Variants in PRRC2B observed in about 807,000 individuals in gnomAD.
The protein encoded by PRRC2B is protein PRRC2B.
PRRC2B carries 68 observed loss-of-function variants against 242.3 expected under a neutral mutation model. The ratio of observed to expected loss-of-function variants is 0.28; its 90% CI spans 0.23 to 0.34. The LOEUF (loss-of-function observed/expected upper bound fraction) is 0.34, where lower values mean the gene tolerates loss of function less well. Among genes scored for constraint, PRRC2B ranks in the 10% least tolerant of loss-of-function variants. The probability of loss-of-function intolerance (pLI) is 1.00; values close to 1 mark genes in which losing one functional copy is unlikely to be tolerated. For synonymous variants in PRRC2B, 1,228 were observed against 1,173.6 expected (o/e 1.05, Z -0.95); for missense variants, 2,835 against 2,954.8 (o/e 0.96, Z 0.94).
Position 131,477,746 on chromosome 9 carries a change from C to T in PRRC2B, c.4409C>T (p.Ser1470Phe), listed in dbSNP as rs1319585888. ...QNGTPLKVKR[S>F]PDEALPGGLS... is the part of the protein sequence containing the mutation. ...ACAAGATCCTCTTTCCCTTACAGAT[C>T]CCCAGACGAGGCCTTGCCTGGAGGT... The change falls in exon 17 of 32, where the codon TCC becomes TTC. Residue 1470 changes from serine (S) to phenylalanine (F), a missense_variant and splice_region_variant. Transcript: ENST00000683519. The T allele has an allele frequency of 8.8e-6, 14 of 1,592,112 alleles. No individual in the cohort carries two copies. The highest frequency in any genetic ancestry group is 1.2e-5 in the Non-Finnish European group (14 of 1,166,066).
At chr9:131,425,892 C>G (rs1231251524) in intron 1 of PRRC2B, among the ~76,000 whole-genome samples, 1 of 151,524 alleles carries the variant, frequency 6.6e-6, no homozygotes, top group East Asian at 2.0e-4. Flanking sequence ...GCCTGTAATC[C>G]CAGCTACTTG....
rs1943659005 is a variant in PRRC2B at position 131,475,343 on chromosome 9, A to G, written c.3214A>G (p.Arg1072Gly). The G allele has an allele frequency of 1.3e-6, 2 of 1,590,174 alleles. No individual in the cohort carries two copies. The highest frequency in any genetic ancestry group is 1.7e-6 in the Non-Finnish European group (2 of 1,169,138). Residue 1072 changes from arginine to glycine, a missense_variant, in exon 16 of 32, where the codon AGA becomes GGA. By Grantham distance (125) the Arg-to-Gly change is moderately radical. This residue lies in a region of PRRC2B where 1,536 missense variants were observed against 1,483.1 expected (regional missense o/e 1.04). Transcript: ENST00000683519. ...GQARGRGRGFREFTFRGRPAG... is the reference protein window; with the variant it reads ...GQARGRGRGFGEFTFRGRPAG... The stretch of plus-strand genomic sequence containing the variant: ...GGCCCGGGGCCGGGGCCGTGGTTTC[A>G]GAGAGTTCACTTTTCGTGGTCGGCC...
At chr9:131,380,881 G>C (rs1836749818) in intron 1 of PRRC2B, among the ~76,000 whole-genome samples, 2 of 22,942 alleles carry the variant, frequency 8.7e-5, no homozygotes, top group Non-Finnish European at 2.4e-4. Context: ...GTGAGATTCT[G>C]TCTCCAAAAA....
At chr9:131,458,140 T>C (rs1056365109) in intron 10 of PRRC2B, among the ~76,000 whole-genome samples, 2 of 152,256 alleles carry the variant, frequency 1.3e-5, no homozygotes, top group Middle Eastern at 3.4e-3. Context: ...GTGTCGGCTC[T>C]GCTTGTCTCC....
intron 1 of PRRC2B, among the ~76,000 whole-genome samples, chr9:131,407,315 G>A (rs577765221): frequency 6.6e-6 from 1 of 152,260 alleles, no homozygotes; most frequent in African/African-American, 2.4e-5. Context: ...CGGGGAGATG[G>A]TGGGTGGGGG....
chr9:131,425,435 G>T (rs945244647), intron 1 of PRRC2B, among the ~76,000 whole-genome samples: 1 of 152,270 alleles, frequency 6.6e-6, no homozygotes, highest in East Asian at 1.9e-4. Flanking sequence ...TCAGCACAGA[G>T]TCAGAGAAAG....
At chr9:131,430,490 G>A (rs1190152788) in intron 2 of PRRC2B, among the ~76,000 whole-genome samples, 1 of 130,596 alleles carries the variant, frequency 7.7e-6, no homozygotes, top group Non-Finnish European at 1.6e-5. Context: ...TGAAGCTGGG[G>A]AGATATATCT....
intron 11 of PRRC2B, among the ~76,000 whole-genome samples, chr9:131,460,255 C>T (rs546805306): frequency 1.3e-5 from 2 of 152,278 alleles, no homozygotes; most frequent in South Asian, 4.2e-4. Flanking sequence ...TGTCCTTACT[C>T]GAAATAATCC....
At position 131,498,998 on chromosome 9, in the gene PRRC2B, A is replaced by G. The variant is rs1480215493; in HGVS notation, c.*3124A>G. ...TTTTTGTTTTTTTTTAAACATTCATATTGTTTTCAAACTTGGAATTCATAG... is the reference window on the plus strand; with the variant it reads ...TTTTTGTTTTTTTTTAAACATTCATGTTGTTTTCAAACTTGGAATTCATAG... On this transcript the variant is annotated 3_prime_UTR_variant, in exon 32 of 32. Transcript: ENST00000683519. The G allele has an allele frequency of 6.6e-6, 1 of 151,828 alleles. No homozygotes were observed. The highest frequency in any genetic ancestry group is 1.5e-5 in the Non-Finnish European group (1 of 67,942). The allele number at this position is 151,828 out of a possible 1,614,324, so 9.4% of individuals were successfully genotyped here.
chr9:131,493,986 T>G (rs538405989), intron 30 of PRRC2B, among the ~76,000 whole-genome samples: 1 of 152,162 alleles, frequency 6.6e-6, no homozygotes, highest in Non-Finnish European at 1.5e-5. Context: ...TTCTGAAAAG[T>G]GAAGACTAGA....
chr9:131,455,640 C>T (rs1428159354), intron 10 of PRRC2B, among the ~76,000 whole-genome samples: 1 of 150,528 alleles, frequency 6.6e-6, no homozygotes, highest in Non-Finnish European at 1.5e-5. Flanking sequence ...CCCAGCTTCC[C>T]AAATAGCTAG....
At position 131,482,572 on chromosome 9, in the gene PRRC2B, A is replaced by G; in HGVS notation, c.5175+10A>G. ...GCCATCTGAGCAGAAGGTAACCTGG[A>G]CGTTCCAGTCACAGTGGCCAGGGCC... is the stretch of plus-strand genomic sequence containing the variant. On this transcript the variant is annotated intron_variant, in intron 21 of 31. Coordinates refer to ENST00000683519, the MANE Select transcript of PRRC2B (RefSeq NM_013318.4). The surrounding 1 kb of genome is among the most constrained non-coding windows in gnomAD (Gnocchi z 5.2). The G allele has an allele frequency of 1.3e-6, 2 of 1,579,666 alleles. No homozygotes were observed. The highest frequency in any genetic ancestry group is 1.7e-6 in the Non-Finnish European group (2 of 1,159,518).
chr9:131,413,656 C>T (rs1179988052), intron 1 of PRRC2B, among the ~76,000 whole-genome samples: 1 of 151,700 alleles, frequency 6.6e-6, no homozygotes, highest in Non-Finnish European at 1.5e-5. Context: ...TGAGCCACCT[C>T]ACCTGACTAA....
intron 1 of PRRC2B, among the ~76,000 whole-genome samples, chr9:131,429,586 A>G (rs2131321456): frequency 6.6e-6 from 1 of 152,270 alleles, no homozygotes. Context: ...TTTCTGAAGG[A>G]TAATACTCTG....
rs886594169 is a variant in PRRC2B at position 131,432,909 on chromosome 9, G to A, written c.293+115G>A. On this transcript the variant is annotated intron_variant, in intron 3 of 31. Transcript: ENST00000683519. ...TGGCTACTGCAGCGCTAGTCTTGCA[G>A]TGGCAGAATTGGAACACTGGGAGAT... 1.1e-5 allele frequency: 11 copies of A among 1,034,082 alleles called. No individual in the cohort carries two copies. The East Asian group carries it at 2.8e-4, about 26-fold the overall frequency. 64.1% of individuals were successfully genotyped at this position (1,034,082 alleles called of 1,614,324 possible). A position where few individuals can be genotyped will look rare whatever the true frequency, so the allele number is the denominator to read the frequency against.
intron 1 of PRRC2B, among the ~76,000 whole-genome samples, chr9:131,420,502 T>TCTTTCTTTCTTTCTTTCTTTCTTTC (rs1564278677): frequency 1.0e-5 from 1 of 97,954 alleles, no homozygotes; most frequent in South Asian, 3.2e-4. Flanking sequence ...TCTTTTTTTT[T>TCTTTCTTTCTTTCTTTCTTTCTTTC]TTTTTTTTGA....
At chr9:131,379,624 ATTTT>A (rs34113422) in intron 1 of PRRC2B, among the ~76,000 whole-genome samples, 1 of 128,002 alleles carries the variant, frequency 7.8e-6, no homozygotes, top group Non-Finnish European at 1.6e-5. Flanking sequence ...TCCTTGGTCC[ATTTT>A]TTTTTTTTTT....
rs570136763 is a variant in PRRC2B at position 131,479,156 on chromosome 9, G to A, written c.4759-96G>A. ...CCACACATCTCTGGAGCATTTTCAGGTGGTGTGATTTTTGGTACCTGGGAT... is the reference window on the plus strand; with the variant it reads ...CCACACATCTCTGGAGCATTTTCAGATGGTGTGATTTTTGGTACCTGGGAT... On this transcript the variant is annotated intron_variant, in intron 18 of 31. Transcript: ENST00000683519. The A allele has an allele frequency of 3.7e-5, 47 of 1,256,464 alleles. No individual in the cohort carries two copies. The African/African-American group carries it at 6.5e-4, about 17-fold the overall frequency. 77.8% of individuals were successfully genotyped at this position (1,256,464 alleles called of 1,614,324 possible).
chr9:131,461,418 G>T (rs564954487), intron 11 of PRRC2B, among the ~76,000 whole-genome samples: 2 of 152,308 alleles, frequency 1.3e-5, no homozygotes, highest in East Asian at 3.9e-4. Flanking sequence ...CAGGCTCCTG[G>T]CTTGCATTGC....
Sources: gnomAD v4.1 joint callset for allele counts (sites outside exome capture counted in the v4.1 genomes callset) on GRCh38, gnomAD v4.1.1 for gene constraint, gnomAD v4.1.1 regional missense constraint, Gnocchi (gnomAD v3.1) non-coding constraint, MANE v1.5 for transcripts, NCBI Gene and HGNC (gene_info 2026-07-23, HGNC 2026-07-21) for gene names.